The following TBC1D32 variants were observed in gnomAD, a reference collection of about 807,000 sequenced individuals.
TBC1D32 encodes the protein TBC1 domain family member 32.
A neutral mutation model predicts 170.3 loss-of-function variants in TBC1D32; 151 were observed. The observed-to-expected ratio is 0.89, with a 90% CI of 0.78 to 1.01. The LOEUF (loss-of-function observed/expected upper bound fraction) is 1.01. Ranked by LOEUF, TBC1D32 falls within the 50% of genes least tolerant of loss-of-function variation. The probability of loss-of-function intolerance (pLI) is 0.00; values close to 1 mark genes in which losing one functional copy is unlikely to be tolerated. For synonymous variants in TBC1D32, 498 were observed against 488.0 expected (o/e 1.02, Z -0.27); for missense variants, 1,464 against 1,457.1 (o/e 1.00, Z -0.08).
chr6:121,292,834 G>C (rs1467330563), intron 11 of TBC1D32, among the ~76,000 whole-genome samples: 10 of 152,060 alleles, frequency 6.6e-5, no homozygotes, highest in African/African-American at 2.2e-4. Flanking sequence ...AGTAAGCAAG[G>C]GCTCCTCCTC....
chr6:121,136,341 A>G (rs1362682572), intron 24 of TBC1D32, among the ~76,000 whole-genome samples: 5 of 152,222 alleles, frequency 3.3e-5, no homozygotes, highest in Non-Finnish European at 7.4e-5. Context: ...TTCTATTTGT[A>G]TGAAATGCTG....
intron 22 of TBC1D32, among the ~76,000 whole-genome samples, chr6:121,162,653 T>C (rs2128246671): frequency 6.6e-6 from 1 of 152,218 alleles, no homozygotes; most frequent in East Asian, 1.9e-4. Context: ...GAAAACCCCA[T>C]CATCTCAGCC....
chr6:121,313,995 T>C (rs1055339915), intron 3 of TBC1D32, among the ~76,000 whole-genome samples: 1 of 152,170 alleles, frequency 6.6e-6, no homozygotes, highest in Non-Finnish European at 1.5e-5. Context: ...GGACATACTC[T>C]GAATGAGAGG....
At chr6:121,334,511 A>C (rs1301070855), upstream of TBC1D32, 3 of 1,461,046 alleles carry the variant, frequency 2.1e-6, no homozygotes, top group East Asian at 2.6e-5. Context: ...GCGCACCCCC[A>C]CCCAGCCCCG....
At chr6:121,098,137 T>C (rs980474663) in intron 30 of TBC1D32, among the ~76,000 whole-genome samples, 2 of 151,870 alleles carry the variant, frequency 1.3e-5, no homozygotes, top group African/African-American at 2.4e-5. Context: ...ATGGTATATG[T>C]ATACCTATGT....
intron 2 of TBC1D32, among the ~76,000 whole-genome samples, chr6:121,319,207 A>AG (rs1344792932): frequency 6.6e-6 from 1 of 152,060 alleles, no homozygotes; most frequent in East Asian, 1.9e-4. Context: ...AGGAACCGCT[A>AG]GGGGGAGAAA....
intron 20 of TBC1D32, among the ~76,000 whole-genome samples, chr6:121,236,588 G>C (rs981026298): frequency 3.3e-5 from 5 of 152,032 alleles, no homozygotes; most frequent in African/African-American, 1.2e-4. Context: ...ACTACAATGA[G>C]TTGTCATTTC....
chr6:121,321,330 C>A (rs542948423), intron 2 of TBC1D32, among the ~76,000 whole-genome samples: 1 of 152,230 alleles, frequency 6.6e-6, no homozygotes, highest in South Asian at 2.1e-4. Flanking sequence ...TGCAAAAGAG[C>A]AGGCAAGACC....
At chr6:121,227,608 C>T (rs936729661) in intron 20 of TBC1D32, among the ~76,000 whole-genome samples, 2 of 151,660 alleles carry the variant, frequency 1.3e-5, no homozygotes, top group Admixed American at 6.6e-5. Context: ...ATGGTTAAGT[C>T]GTATTTTCAT....
chr6:121,293,937 T>G (rs376294416), intron 11 of TBC1D32, among the ~76,000 whole-genome samples: 1 of 151,986 alleles, frequency 6.6e-6, no homozygotes, highest in African/African-American at 2.4e-5. Context: ...AAATACAGTT[T>G]CTTCTTTCAT....
At chr6:121,299,604 T>C (rs1350460855) in intron 9 of TBC1D32, 99 bp from the exon 10 acceptor site, 5 of 1,203,034 alleles carry the variant, frequency 4.2e-6, no homozygotes, top group Middle Eastern at 2.0e-4. Context: ...AATCACACAA[T>C]AGCTTAGGTT....
At chr6:121,188,813 C>G (rs1364135275) in intron 22 of TBC1D32, among the ~76,000 whole-genome samples, 3 of 152,232 alleles carry the variant, frequency 2.0e-5, no homozygotes, top group East Asian at 3.9e-4. Flanking sequence ...AGACATCACA[C>G]AGACCATGAA....
At position 121,241,552 on chromosome 6, in the gene TBC1D32, C is replaced by T; in HGVS notation, c.2158G>A (p.Val720Ile). Residue 720 changes from valine to isoleucine, a missense_variant and splice_region_variant, in exon 19 of 32, where the codon GTC (valine) becomes ATC (isoleucine). Val to Ile is a conservative substitution (Grantham distance 29). Around this residue, in one of 3 missense-constraint regions of TBC1D32, gnomAD observed 1,363 missense variants for 1,338.1 expected, o/e 1.02. Transcript: ENST00000398212. ...TAGCCAAATTTTTTATGCCTGCTGA[C>T]CTAACAGCATAAATAAGGAACAGCA... ...IFNRYAKKLQ[V>I]SRHKKFGYGV... The T allele has an allele frequency of 1.9e-6, 3 of 1,612,470 alleles. No individual in the cohort carries two copies. The highest frequency in any genetic ancestry group is 1.7e-5 in the Admixed American group (1 of 59,956).
chr6:121,253,485 G>A (rs909560513), intron 17 of TBC1D32, among the ~76,000 whole-genome samples: 2 of 152,170 alleles, frequency 1.3e-5, no homozygotes, highest in Non-Finnish European at 2.9e-5. Flanking sequence ...TTGGGAGGCC[G>A]AGGCGGGCGG....
intron 17 of TBC1D32, among the ~76,000 whole-genome samples, chr6:121,247,695 C>CAAAAAAAA (rs34914027): frequency 0.016 from 729 of 46,264 alleles, 21 homozygotes; most frequent in East Asian, 0.027. Context: ...GGCTTTAAAG[C>CAAAAAAAA]AAAAAAAAAA....
intron 22 of TBC1D32, among the ~76,000 whole-genome samples, chr6:121,176,681 C>T (rs745387031): frequency 2.6e-5 from 4 of 152,022 alleles, no homozygotes; most frequent in Non-Finnish European, 5.9e-5. Flanking sequence ...TCACTGCAAC[C>T]TCCACCTCCC....
chr6:121,192,084 C>CA lies in TBC1D32; in HGVS notation c.2570+12990_2570+12991insT, dbSNP rs1562844877. Among the ~76,000 whole-genome samples, 36 of 126,398 alleles carry CA rather than the reference C, an allele frequency of 2.8e-4. 2 individuals carry two copies. Among genetic ancestry groups the CA allele is most frequent in the African/African-American group, 4.5e-4 (12 of 26,614 alleles). 82.9% of individuals were successfully genotyped at this position (126,398 alleles called of 152,430 possible). A position where few individuals can be genotyped will look rare whatever the true frequency, so the allele number is the denominator to read the frequency against. On this transcript the variant is annotated intron_variant, in intron 22 of 31. Coordinates refer to ENST00000398212, the MANE Select transcript of TBC1D32 (RefSeq NM_152730.6). ...CTACCCTTTATATATATATATATAT[C>CA]CTATTAGTTCTATCCTTCTGGGGAA...
At chr6:121,117,466 C>G (rs1469573465) in intron 26 of TBC1D32, among the ~76,000 whole-genome samples, 1 of 152,082 alleles carries the variant, frequency 6.6e-6, no homozygotes, top group Non-Finnish European at 1.5e-5. Flanking sequence ...CTTTGGGAGG[C>G]TGAGAGGGAT....
chr6:121,112,256 A>G (rs1779269309), intron 29 of TBC1D32: 4 of 250,296 alleles, frequency 1.6e-5, no homozygotes, highest in Non-Finnish European at 3.0e-5. Flanking sequence ...TTTTAATTTC[A>G]TTATCATGTT....
Sources: gnomAD v4.1 joint callset for allele counts (sites outside exome capture counted in the v4.1 genomes callset) on GRCh38, gnomAD v4.1.1 for gene constraint, gnomAD v4.1.1 regional missense constraint, MANE v1.5 for transcripts, NCBI Gene and HGNC (gene_info 2026-07-23, HGNC 2026-07-21) for gene names.